Variants in FGF14 observed in about 807,000 individuals in gnomAD.
The protein encoded by FGF14 is fibroblast growth factor 14.
A neutral mutation model predicts 25.5 loss-of-function variants in FGF14; 5 were observed. The ratio of observed to expected loss-of-function variants is 0.20; its 90% confidence interval spans 0.10 to 0.41. FGF14 has a LOEUF of 0.41. FGF14 is among the 10% of genes least tolerant of loss of function. The probability of loss-of-function intolerance (pLI) is 1.00; values close to 1 mark genes in which losing one functional copy is unlikely to be tolerated. For synonymous variants in FGF14, 138 were observed against 118.3 expected (o/e 1.17, Z -1.08); for missense variants, 222 against 320.1 (o/e 0.69, Z 2.34).
At chr13:101,912,251 A>C (rs1420360362) in intron 1 of FGF14, among the ~76,000 whole-genome samples, 1 of 152,144 alleles carries the variant, frequency 6.6e-6, no homozygotes, top group Non-Finnish European at 1.5e-5. Context: ...ACATACTGTA[A>C]TTTATTTTAG....
At chr13:102,109,359 G>A (rs1324765169) in intron 1 of FGF14, among the ~76,000 whole-genome samples, 2 of 152,066 alleles carry the variant, frequency 1.3e-5, no homozygotes, top group African/African-American at 4.8e-5. Flanking sequence ...AAGCATGACT[G>A]TAGTAATAAC....
At chr13:101,887,065 G>T (rs2046026395) in intron 1 of FGF14, among the ~76,000 whole-genome samples, 1 of 152,052 alleles carries the variant, frequency 6.6e-6, no homozygotes, top group Admixed American at 6.6e-5. Context: ...AGGATGCAGA[G>T]AAAGGGGAAC....
rs139258208 is a variant in FGF14, at chr13:102,257,624, C to T, written c.208+143847G>A. 3.0e-3 allele frequency among the ~76,000 whole-genome samples: 456 copies of T among 152,110 alleles called. 1 individual carries two copies. The highest frequency in any genetic ancestry group is 9.9e-3 in the African/African-American group (412 of 41,522). ...CTAGGATTAGAGGTGTGAGCCACCA[C>T]GCCCAGCCGTTTGCATGTGCATTTC... is the stretch of plus-strand genomic sequence containing the variant. On this transcript the variant is annotated intron_variant, in intron 1 of 4. Coordinates refer to the FGF14 transcript ENST00000376131.
In FGF14 at chr13:102,335,788, T is replaced by C. The variant is rs1202782889; in HGVS notation, c.208+65683A>G. Among the ~76,000 whole-genome samples, 8 of 152,310 alleles carry C rather than the reference T, an allele frequency of 5.3e-5. No homozygotes were observed. In the East Asian group the frequency reaches 1.5e-3, roughly 29 times the overall value. On this transcript the variant is annotated intron_variant, in intron 1 of 4. Coordinates refer to the FGF14 transcript ENST00000376131. Reference sequence around the variant, plus strand: ...CCATTTTTCCAAGACACCCTGTGTCTCTGTGTCACATTCCAGTAATTCTTG... The same window carrying C: ...CCATTTTTCCAAGACACCCTGTGTCCCTGTGTCACATTCCAGTAATTCTTG...
At position 102,108,086 on chromosome 13, in the gene FGF14, AAT is replaced by A. The variant is rs1375975181; in HGVS notation, c.209-232792_209-232791del. On this transcript the variant is annotated intron_variant, in intron 1 of 4. Coordinates refer to the FGF14 transcript ENST00000376131. ...TTGAATTATATTTAATAACTTATGA[AAT>A]AGTCATTAAATAGGAGTTTAGTAAA... 2.6e-5 allele frequency among the ~76,000 whole-genome samples: 4 copies of A among 152,320 alleles called. 1 individual carries two copies. The highest frequency in any genetic ancestry group is 4.2e-4 in the South Asian group (2 of 4,818).
chr13:102,137,545 T>C (rs1185019581), intron 1 of FGF14, among the ~76,000 whole-genome samples: 1 of 152,182 alleles, frequency 6.6e-6, no homozygotes, highest in Non-Finnish European at 1.5e-5. Context: ...GACTTAAGCT[T>C]GGTGCAACCC....
At position 101,760,179 on chromosome 13, in the gene FGF14, T is replaced by C. The variant is rs572775538; in HGVS notation, c.409-33369A>G. On this transcript the variant is annotated intron_variant, in intron 3 of 4. Transcript: ENST00000376143. ...GATGGAAACAAACCTGAGTGAAATATGAACCAGTACGTGAGAATGAAAGGC... is the reference window on the plus strand; with the variant it reads ...GATGGAAACAAACCTGAGTGAAATACGAACCAGTACGTGAGAATGAAAGGC... Among the ~76,000 whole-genome samples the C allele has an allele frequency of 5.8e-4, 89 of 152,308 alleles. 1 individual carries two copies. Among genetic ancestry groups the C allele is most frequent in the African/African-American group, 2.1e-3 (88 of 41,578 alleles).
intron 1 of FGF14, among the ~76,000 whole-genome samples, chr13:102,232,248 GA>G (rs1200978426): frequency 7.9e-5 from 12 of 151,714 alleles, no homozygotes; most frequent in Non-Finnish European, 8.8e-5. Context: ...ATTAAAAGTA[GA>G]AAAAAAATCA....
At chr13:102,245,987 G>A (rs1296331532) in intron 1 of FGF14, among the ~76,000 whole-genome samples, 1 of 151,942 alleles carries the variant, frequency 6.6e-6, no homozygotes, top group Middle Eastern at 3.2e-3. Flanking sequence ...AATTGATCAC[G>A]ATACATAAAA....
chr13:101,969,997 G>A (rs976580538), intron 1 of FGF14, among the ~76,000 whole-genome samples: 2 of 152,172 alleles, frequency 1.3e-5, no homozygotes, highest in African/African-American at 2.4e-5. Context: ...ATTGTCATCT[G>A]CCTTATAGCA....
intron 1 of FGF14, among the ~76,000 whole-genome samples, chr13:102,061,404 C>T (rs572399110): frequency 6.6e-6 from 1 of 152,304 alleles, no homozygotes; most frequent in Non-Finnish European, 1.5e-5. Flanking sequence ...CAGAGGTTTG[C>T]GCGTGGGGCA....
chr13:101,775,307 AAAACT>A (rs2039036623), intron 3 of FGF14, among the ~76,000 whole-genome samples: 2 of 152,166 alleles, frequency 1.3e-5, no homozygotes, highest in Non-Finnish European at 2.9e-5. Context: ...TAACCCAAAG[AAAACT>A]TAGCAATTTG....
At chr13:102,329,539 C>A (rs1041325281) in intron 1 of FGF14, among the ~76,000 whole-genome samples, 24 of 152,152 alleles carry the variant, frequency 1.6e-4, no homozygotes, top group Non-Finnish European at 1.9e-4. Context: ...TGGAGTTCTT[C>A]AACTTTTAGT....
Position 101,861,937 on chromosome 13 carries a change from G to A in FGF14, c.408+6788C>T, listed in dbSNP as rs957620674. Among the ~76,000 whole-genome samples, 113 of 152,028 alleles carry A rather than the reference G, an allele frequency of 7.4e-4. 1 individual carries two copies. The highest frequency in any genetic ancestry group is 2.6e-3 in the African/African-American group (106 of 41,412). ...TCTGGAAGTTAACTATGATCATAGCGGTTTTCTTGTTTGTTTGTTCTTTGT... is the reference window on the plus strand; with the variant it reads ...TCTGGAAGTTAACTATGATCATAGCAGTTTTCTTGTTTGTTTGTTCTTTGT... On this transcript the variant is annotated intron_variant, in intron 3 of 4. Coordinates refer to ENST00000376143, the MANE Select transcript of FGF14 (RefSeq NM_004115.4).
intron 3 of FGF14, among the ~76,000 whole-genome samples, chr13:101,749,360 A>G (rs927700092): frequency 1.3e-5 from 2 of 152,132 alleles, no homozygotes; most frequent in Admixed American, 1.3e-4. Context: ...TACATGCAGC[A>G]ACATGTATAA....
At chr13:102,199,937 A>G (rs569666984) in intron 1 of FGF14, among the ~76,000 whole-genome samples, 2 of 152,288 alleles carry the variant, frequency 1.3e-5, no homozygotes, top group South Asian at 4.1e-4. Context: ...TTGGGGATGC[A>G]CCCTTGTCCT....
Position 101,971,503 on chromosome 13 carries a change from T to C in FGF14, c.209-96207A>G, listed in dbSNP as rs185748644. On this transcript the variant is annotated intron_variant, in intron 1 of 4. Transcript: ENST00000376131. Reference sequence around the variant, plus strand: ...CTCCCACCTCACCTTCCTGAGTAGCTGGGACAATAGGCAAGCACCACCATG... The same window carrying C: ...CTCCCACCTCACCTTCCTGAGTAGCCGGGACAATAGGCAAGCACCACCATG... Among the ~76,000 whole-genome samples the C allele has an allele frequency of 3.2e-4, 49 of 152,216 alleles. No individual in the cohort carries two copies. In the East Asian group the frequency reaches 5.0e-3, roughly 16 times the overall value.
intron 1 of FGF14, among the ~76,000 whole-genome samples, chr13:101,990,675 C>G (rs2038853356): frequency 6.6e-6 from 1 of 152,060 alleles, no homozygotes; most frequent in Non-Finnish European, 1.5e-5. Flanking sequence ...AGCAGGCTCT[C>G]TATGCACAGG....
chr13:102,361,303 T>C (rs566182096), intron 1 of FGF14, among the ~76,000 whole-genome samples: 28 of 152,216 alleles, frequency 1.8e-4, no homozygotes, highest in African/African-American at 6.7e-4. Flanking sequence ...AGGCAGAATA[T>C]TATTCACCTG....
Sources: allele counts gnomAD v4.1 joint callset (sites outside exome capture counted in the v4.1 genomes callset), GRCh38; gene constraint gnomAD v4.1.1; transcripts MANE v1.5; gene names NCBI Gene and HGNC (gene_info 2026-07-23, HGNC 2026-07-21).